Variants in MSRA observed in about 807,000 individuals in gnomAD.
MSRA encodes the protein mitochondrial peptide methionine sulfoxide reductase.
A neutral mutation model predicts 31.3 loss-of-function variants in MSRA; 54 were observed. That is an observed-to-expected ratio of 1.73 (90% CI 1.39 to 2.17). The LOEUF (loss-of-function observed/expected upper bound fraction) is 2.17, where lower values mean the gene tolerates loss of function less well. Ranked by LOEUF, MSRA falls within the 30% of genes most tolerant of loss-of-function variation. The probability of loss-of-function intolerance (pLI) is 0.00; values close to 1 mark genes in which losing one functional copy is unlikely to be tolerated. For missense variants in MSRA, 507 were observed against 300.9 expected (o/e 1.69, Z -5.07); for synonymous variants, 169 against 116.5 (o/e 1.45, Z -2.90).
chr8:10,271,357 T>C, intron 3 of MSRA, among the ~76,000 whole-genome samples: 1 of 152,302 alleles, frequency 6.6e-6, no homozygotes, highest in Non-Finnish European at 1.5e-5. Flanking sequence ...ATGAGTGTGT[T>C]TTTTAAAAAA....
chr8:10,362,481 A>AAAT (rs1421680654), intron 5 of MSRA, among the ~76,000 whole-genome samples: 1 of 150,624 alleles, frequency 6.6e-6, no homozygotes, highest in African/African-American at 2.5e-5. Flanking sequence ...AAAAAAAAAA[A>AAAT]AGTGGGCTTG....
intron 2 of MSRA, among the ~76,000 whole-genome samples, chr8:10,219,614 G>C (rs953210586): frequency 1.3e-4 from 20 of 152,028 alleles, no homozygotes; most frequent in Admixed American, 3.3e-4. Flanking sequence ...AGACCATCCT[G>C]GCTAACACGG....
chr8:10,393,319 CGAATTTTCCATA>C (rs1806883221), intron 5 of MSRA, among the ~76,000 whole-genome samples: 1 of 152,132 alleles, frequency 6.6e-6, no homozygotes, highest in Non-Finnish European at 1.5e-5. Flanking sequence ...ATTCTTCCAT[CGAATTTTCCATA>C]ACAGAGTCTT....
At chr8:10,213,765 G>T (rs531134208) in intron 2 of MSRA, among the ~76,000 whole-genome samples, 4 of 152,066 alleles carry the variant, frequency 2.6e-5, no homozygotes, top group African/African-American at 9.7e-5. Flanking sequence ...CTTGGTTGTT[G>T]TGAATAACTG....
chr8:10,302,716 A>G (rs117843443), intron 4 of MSRA, among the ~76,000 whole-genome samples: 2,247 of 152,316 alleles, frequency 0.015, 67 homozygotes, highest in Admixed American at 0.068. Flanking sequence ...ACGCAGATCT[A>G]TCAGGGCAGA....
chr8:10,305,148 T>A (rs1212889715), intron 4 of MSRA, among the ~76,000 whole-genome samples: 2 of 152,200 alleles, frequency 1.3e-5, no homozygotes, highest in Non-Finnish European at 2.9e-5. Flanking sequence ...TTTTTGGTTA[T>A]AATTCACTGC....
At chr8:10,181,408 G>A (rs937442583) in intron 1 of MSRA, among the ~76,000 whole-genome samples, 7 of 150,114 alleles carry the variant, frequency 4.7e-5, no homozygotes, top group East Asian at 3.9e-4. Flanking sequence ...TTGTGCACAC[G>A]TACCCTAAAA....
intron 1 of MSRA, among the ~76,000 whole-genome samples, chr8:10,058,696 A>G (rs1374897354): frequency 1.3e-5 from 2 of 152,256 alleles, no homozygotes; most frequent in Non-Finnish European, 2.9e-5. Context: ...TGAGATTTCC[A>G]CTGATGTTCA....
chr8:10,380,129 C>T (rs866646636), intron 5 of MSRA, among the ~76,000 whole-genome samples: 1 of 152,242 alleles, frequency 6.6e-6, no homozygotes, highest in Non-Finnish European at 1.5e-5. Flanking sequence ...TCTCCTCCTG[C>T]ACATCCCAGG....
At chr8:10,107,515 C>A (rs1199560759) in intron 1 of MSRA, among the ~76,000 whole-genome samples, 1 of 152,172 alleles carries the variant, frequency 6.6e-6, no homozygotes, top group Non-Finnish European at 1.5e-5. Flanking sequence ...ATTCCTGTTT[C>A]ATCTTCCACC....
chr8:10,283,836 T>TATATACACACAC (rs1261287031), intron 3 of MSRA, among the ~76,000 whole-genome samples: 23 of 53,166 alleles, frequency 4.3e-4, no homozygotes, highest in East Asian at 1.7e-3. Context: ...TATATATATA[T>TATATACACACAC]ACACACACAC....
chr8:10,345,098 G>C (rs1803687769), intron 5 of MSRA, among the ~76,000 whole-genome samples: 1 of 152,128 alleles, frequency 6.6e-6, no homozygotes, highest in South Asian at 2.1e-4. Context: ...GTTGGCTCTA[G>C]AGATGGTGAC....
At chr8:10,177,556 T>C (rs772281257) in intron 1 of MSRA, among the ~76,000 whole-genome samples, 2 of 152,236 alleles carry the variant, frequency 1.3e-5, no homozygotes, top group Non-Finnish European at 2.9e-5. Flanking sequence ...CTGATGGCTA[T>C]AGAAGTCACT....
chr8:10,135,586 A>G (rs1802215287), intron 1 of MSRA, among the ~76,000 whole-genome samples: 2 of 152,214 alleles, frequency 1.3e-5, no homozygotes, highest in Admixed American at 1.3e-4. Context: ...TGGTCAGGCA[A>G]AGGTATGGTT....
chr8:10,149,417 C>T (rs776492819), intron 1 of MSRA, among the ~76,000 whole-genome samples: 6 of 152,232 alleles, frequency 3.9e-5, no homozygotes, highest in Admixed American at 2.6e-4. Flanking sequence ...AGCCACCGCG[C>T]CCGGCTGAGA....
intron 3 of MSRA, among the ~76,000 whole-genome samples, chr8:10,264,174 G>C (rs970454162): frequency 1.3e-5 from 2 of 152,174 alleles, no homozygotes; most frequent in East Asian, 3.9e-4. Flanking sequence ...TTTTGTGAAA[G>C]TCAGGTGAAT....
At chr8:10,147,444 T>C (rs10090114) in intron 1 of MSRA, among the ~76,000 whole-genome samples, 136,816 of 152,206 alleles carry the variant, frequency 0.9, 61,608 homozygotes, top group East Asian at 0.96. Context: ...CCTCACAACG[T>C]AGTGGCTGAC....
intron 2 of MSRA, among the ~76,000 whole-genome samples, chr8:10,217,673 T>C (rs1260154448): frequency 1.3e-5 from 2 of 152,138 alleles, no homozygotes; most frequent in African/African-American, 4.8e-5. Flanking sequence ...CCTAGCATAT[T>C]TAAAGCAGAT....
chr8:10,329,187 C>G (rs577516122), intron 5 of MSRA, among the ~76,000 whole-genome samples: 1 of 152,332 alleles, frequency 6.6e-6, no homozygotes, highest in South Asian at 2.1e-4. Context: ...TTACCACAAA[C>G]TGGATGGCTT....
Sources: allele counts gnomAD v4.1 joint callset (sites outside exome capture counted in the v4.1 genomes callset), GRCh38; gene constraint gnomAD v4.1.1; transcripts MANE v1.5; gene names NCBI Gene and HGNC (gene_info 2026-07-23, HGNC 2026-07-21).